Variants in RNF17 observed in about 807,000 individuals in gnomAD.
RNF17 encodes the protein spermatogenesis associated 23.
Under a neutral mutation model 200.5 loss-of-function variants are expected in RNF17, and 31 were observed. The observed-to-expected ratio is 0.15, with a 90% CI of 0.12 to 0.21. RNF17 has a LOEUF of 0.21. Among genes scored for constraint, RNF17 ranks in the 10% least tolerant of loss-of-function variants. The probability of loss-of-function intolerance (pLI) is 1.00; values close to 1 mark genes in which losing one functional copy is unlikely to be tolerated. For synonymous variants in RNF17, 606 were observed against 637.8 expected (o/e 0.95, Z 0.75); for missense variants, 1,628 against 1,905.1 (o/e 0.85, Z 2.71).
the RNF17 span, among the ~76,000 whole-genome samples, chr13:24,749,309 T>TTCTTTCTTTCTTTC: frequency 7.4e-6 from 1 of 134,462 alleles, no homozygotes; most frequent in Non-Finnish European, 1.6e-5. Context: ...CTTTCTTTCT[T>TTCTTTCTTTCTTTC]TTTTTTTTTT....
downstream of RNF17, among the ~76,000 whole-genome samples, chr13:24,883,576 A>ATATT (rs1334671663): frequency 1.3e-5 from 2 of 152,276 alleles, no homozygotes; most frequent in Admixed American, 6.5e-5. Context: ...TTAATCATTC[A>ATATT]TATTTTCATC....
At position 24,800,458 on chromosome 13, in the gene RNF17, A is replaced by T. The variant is rs1885110730; in HGVS notation, c.1682A>T (p.Tyr561Phe). The T allele has an allele frequency of 6.2e-7, 1 of 1,613,648 alleles. No individual in the cohort carries two copies. The highest frequency in any genetic ancestry group is 8.5e-7 in the Non-Finnish European group (1 of 1,179,714). The change falls in exon 13 of 36, where the codon TAT becomes TTT. Residue 561 changes from tyrosine to phenylalanine, a missense_variant. By Grantham distance (22) the Tyr-to-Phe change is conservative (BLOSUM62 3). This residue lies in a region of RNF17 where 289 missense variants were observed against 384.9 expected (regional missense o/e 0.75). Transcript: ENST00000255324. ...LCLVLRKSEP[Y>F]TEGLLKDIQP... ...CTGGTTCTAAGGAAATCTGAACCAT[A>T]TACTGAAGGGCTGCTAAAAGACATC...
chr13:24,810,571 C>G lies in RNF17; in HGVS notation c.2091+6142C>G, dbSNP rs1886467517. ...AGATGAGTTTCCTGAATACAGCACACTGATGGGTCTTGACTCTTTATCCAG... is the reference window on the plus strand; with the variant it reads ...AGATGAGTTTCCTGAATACAGCACAGTGATGGGTCTTGACTCTTTATCCAG... On this transcript the variant is annotated intron_variant, in intron 15 of 35. Transcript: ENST00000255324. 2.0e-5 allele frequency among the ~76,000 whole-genome samples: 3 copies of G among 146,998 alleles called. No homozygotes were observed. The South Asian group carries it at 6.6e-4, about 32-fold the overall frequency.
At chr13:24,883,357 T>C (rs1953918957), downstream of RNF17, 1 of 1,606,798 alleles carries the variant, frequency 6.2e-7, no homozygotes, top group Non-Finnish European at 8.5e-7. Context: ...ACTCTATGAG[T>C]TTGTTGCCAT....
downstream of RNF17, chr13:24,883,082 A>G: frequency 9.0e-7 from 1 of 1,108,238 alleles, no homozygotes; most frequent in South Asian, 1.3e-5. Flanking sequence ...TCTTTTCCCC[A>G]CACATACACA....
intron 16 of RNF17, among the ~76,000 whole-genome samples, chr13:24,828,493 G>A (rs1171697849): frequency 6.6e-6 from 1 of 151,794 alleles, no homozygotes; most frequent in African/African-American, 2.4e-5. Context: ...GTTTACTTGT[G>A]TTCCTTCTTC....
chr13:24,764,060 C>T (rs535506319), upstream of RNF17: 46 of 731,976 alleles, frequency 6.3e-5, no homozygotes, highest in South Asian at 9.1e-4. Flanking sequence ...GCCCCAGCCC[C>T]ATCAGGAGCG....
intron 15 of RNF17, among the ~76,000 whole-genome samples, chr13:24,804,816 C>T (rs1200959269): frequency 6.6e-6 from 1 of 152,036 alleles, no homozygotes; most frequent in Non-Finnish European, 1.5e-5. Context: ...AAAGGCATTT[C>T]GTATTGAACT....
At chr13:24,792,675 C>T (rs997241412) in intron 9 of RNF17, among the ~76,000 whole-genome samples, 15 of 152,310 alleles carry the variant, frequency 9.8e-5, no homozygotes, top group Middle Eastern at 3.4e-3. Context: ...GATAAACATG[C>T]ATCATTGCTA....
At chr13:24,760,193 C>A (rs7331891), upstream of RNF17, among the ~76,000 whole-genome samples, 16,536 of 152,034 alleles carry the variant, frequency 0.11, 1,098 homozygotes, top group Non-Finnish European at 0.14. Flanking sequence ...CACATATACA[C>A]AAGATGTAGT....
At chr13:24,880,603 T>G (rs1331275054), downstream of RNF17, among the ~76,000 whole-genome samples, 1 of 152,264 alleles carries the variant, frequency 6.6e-6, no homozygotes. Context: ...CTCTATTCAC[T>G]TTTACTGCTA....
At chr13:24,796,360 C>T in intron 11 of RNF17, 65 bp downstream of exon 11, 1 of 1,089,918 alleles carries the variant, frequency 9.2e-7, no homozygotes, top group Non-Finnish European at 1.3e-6. Flanking sequence ...ACTTGGCCAA[C>T]CCACATAAGA....
In RNF17 at chr13:24,879,153, C is replaced by T. The variant is rs746441160; in HGVS notation, c.4774-34C>T. ...GAGGGAAAAGGCAGCAAAGACATTACTGTTTTCTTGACAACTGTATCTTTT... is the reference window on the plus strand; with the variant it reads ...GAGGGAAAAGGCAGCAAAGACATTATTGTTTTCTTGACAACTGTATCTTTT... On this transcript the variant is annotated intron_variant, in intron 34 of 35. Transcript: ENST00000255324. 2.0e-6 allele frequency: 3 copies of T among 1,514,060 alleles called. No individual in the cohort carries two copies. In the African/African-American group the frequency reaches 4.1e-5, roughly 21 times the overall value. 93.8% of individuals were successfully genotyped at this position (1,514,060 alleles called of 1,614,324 possible).
At chr13:24,883,564 T>C (rs1164367626), downstream of RNF17, among the ~76,000 whole-genome samples, 2 of 152,186 alleles carry the variant, frequency 1.3e-5, no homozygotes, top group Non-Finnish European at 2.9e-5. Context: ...ATTAGCATTG[T>C]TTTAATCATT....
intron 13 of RNF17, among the ~76,000 whole-genome samples, chr13:24,801,788 T>A (rs535013096): frequency 1.7e-3 from 253 of 151,518 alleles, no homozygotes; most frequent in African/African-American, 5.7e-3. Flanking sequence ...TGAATTTTCA[T>A]CTAAGTGGAA....
chr13:24,840,847 G>A (rs1289485326), intron 18 of RNF17, among the ~76,000 whole-genome samples: 3 of 152,028 alleles, frequency 2.0e-5, no homozygotes, highest in Non-Finnish European at 2.9e-5. Flanking sequence ...GAACTTACTC[G>A]TTTAACCAAA....
At chr13:24,859,826 G>T (rs1028012626) in intron 26 of RNF17, among the ~76,000 whole-genome samples, 33 of 151,856 alleles carry the variant, frequency 2.2e-4, no homozygotes, top group African/African-American at 6.5e-4. Context: ...TAGCACTTCA[G>T]GTTTTTTAGC....
intron 18 of RNF17, among the ~76,000 whole-genome samples, chr13:24,837,928 G>T (rs112097940): frequency 6.6e-6 from 1 of 151,974 alleles, no homozygotes; most frequent in African/African-American, 2.4e-5. Context: ...AAATTGATAG[G>T]CCATTAGCAC....
chr13:24,814,833 GTC>G (rs1447551191), intron 15 of RNF17, among the ~76,000 whole-genome samples: 2 of 152,156 alleles, frequency 1.3e-5, no homozygotes, highest in Non-Finnish European at 2.9e-5. Context: ...GTTATTCAGT[GTC>G]TCTTAAGATT....
Sources: allele counts gnomAD v4.1 joint callset (sites outside exome capture counted in the v4.1 genomes callset), GRCh38; gene constraint gnomAD v4.1.1; regional missense constraint gnomAD v4.1.1; transcripts MANE v1.5; gene names NCBI Gene and HGNC (gene_info 2026-07-23, HGNC 2026-07-21).